SDK1: variants seen among roughly 807,000 people sequenced by gnomAD.
SDK1 encodes the protein sidekick cell adhesion molecule 1.
Under a neutral mutation model 245.5 loss-of-function variants are expected in SDK1, and 157 were observed. The ratio of observed to expected loss-of-function variants is 0.64; its 90% CI spans 0.56 to 0.73. The LOEUF is 0.73. Among genes scored for constraint, SDK1 ranks in the 30% least tolerant of loss-of-function variants. SDK1 has a pLI of 0.00. For missense variants in SDK1, 3,583 were observed against 3,002.3 expected (o/e 1.19, Z -4.52); for synonymous variants, 1,647 against 1,278.5 (o/e 1.29, Z -6.15).
At chr7:3,435,321 CTTTTTTTTTT>C (rs71029672) in intron 1 of SDK1, among the ~76,000 whole-genome samples, 930 of 56,942 alleles carry the variant, frequency 0.016, 9 homozygotes, top group Non-Finnish European at 0.02. Flanking sequence ...AGGGGACTGC[CTTTTTTTTTT>C]TTTTTTTTTT....
At chr7:4,106,159 G>C (rs1042740968) in intron 22 of SDK1, among the ~76,000 whole-genome samples, 4 of 152,146 alleles carry the variant, frequency 2.6e-5, no homozygotes, top group Non-Finnish European at 5.9e-5. Flanking sequence ...CCAGACACTC[G>C]CTGCTCAGAA....
chr7:4,151,091 C>T (rs543810637), intron 30 of SDK1, among the ~76,000 whole-genome samples: 9 of 152,340 alleles, frequency 5.9e-5, no homozygotes, highest in Non-Finnish European at 8.8e-5. Context: ...TGCCACCCCA[C>T]ACAGTGTCCC....
chr7:3,343,293 A>G (rs1000390538), intron 1 of SDK1, among the ~76,000 whole-genome samples: 5 of 152,214 alleles, frequency 3.3e-5, no homozygotes, highest in East Asian at 1.9e-4. Context: ...TGAACGCATT[A>G]TTGAACCACA....
chr7:3,657,524 G>A (rs1361752829), intron 4 of SDK1, among the ~76,000 whole-genome samples: 2 of 152,126 alleles, frequency 1.3e-5, no homozygotes, highest in Non-Finnish European at 2.9e-5. Flanking sequence ...GCAGGAAGAG[G>A]GACTGTGAGA....
intron 1 of SDK1, among the ~76,000 whole-genome samples, chr7:3,616,916 A>G (rs1190441084): frequency 1.3e-5 from 2 of 152,212 alleles, no homozygotes; most frequent in African/African-American, 4.8e-5. Flanking sequence ...TGACTTCTTG[A>G]AAAGAAATTT....
rs901187215 is a variant in SDK1 at position 3,518,485 on chromosome 7, C to T, written c.299-100595C>T. 6.8e-5 allele frequency among the ~76,000 whole-genome samples: 9 copies of T among 131,862 alleles called. No homozygotes were observed. The East Asian group carries it at 1.9e-3, about 27-fold the overall frequency. 86.5% of individuals were successfully genotyped at this position (131,862 alleles called of 152,430 possible). On this transcript the variant is annotated intron_variant, in intron 1 of 44. Coordinates refer to ENST00000404826, the MANE Select transcript of SDK1 (RefSeq NM_152744.4). The stretch of plus-strand genomic sequence containing the variant: ...TGTACTAGGAACTTAAACATCTGAA[C>T]AGAAAAAAAAAAGAAAGATTAAAAA...
intron 32 of SDK1, among the ~76,000 whole-genome samples, chr7:4,167,125 G>C (rs1781545846): frequency 1.3e-5 from 2 of 152,214 alleles, no homozygotes; most frequent in Non-Finnish European, 2.9e-5. Flanking sequence ...CTCTTTTGCT[G>C]TGGCACGCCT....
chr7:3,699,094 T>C (rs1272887829), intron 4 of SDK1, among the ~76,000 whole-genome samples: 2 of 152,162 alleles, frequency 1.3e-5, no homozygotes, highest in Non-Finnish European at 2.9e-5. Flanking sequence ...CTGGCAGAAA[T>C]GAAGGGCGGC....
At chr7:3,795,071 T>C (rs752420716) in intron 4 of SDK1, among the ~76,000 whole-genome samples, 1 of 152,208 alleles carries the variant, frequency 6.6e-6, no homozygotes, top group African/African-American at 2.4e-5. Flanking sequence ...GGCATCGTTC[T>C]TCCTGTTCTC....
chr7:3,493,863 C>T, intron 1 of SDK1, among the ~76,000 whole-genome samples: 1 of 152,186 alleles, frequency 6.6e-6, no homozygotes, highest in East Asian at 1.9e-4. Flanking sequence ...ACCAAAGTTC[C>T]ACTACAAATC....
chr7:4,191,960 C>A (rs1783233466), intron 35 of SDK1, among the ~76,000 whole-genome samples: 1 of 152,186 alleles, frequency 6.6e-6, no homozygotes, highest in African/African-American at 2.4e-5. Context: ...GTTTCCGACC[C>A]CACCCCCAGG....
chr7:3,836,532 C>G (rs974221606), intron 5 of SDK1, among the ~76,000 whole-genome samples: 5 of 152,100 alleles, frequency 3.3e-5, no homozygotes, highest in Admixed American at 3.3e-4. Context: ...TTGGTGGAAA[C>G]AAAAGACAAA....
At chr7:4,011,984 G>A (rs535513846) in intron 15 of SDK1, 111 bp from the exon 16 acceptor site, 23 of 1,001,094 alleles carry the variant, frequency 2.3e-5, no homozygotes, top group East Asian at 8.8e-5. Flanking sequence ...CCTGAAACCC[G>A]ATTTTTGTGA....
chr7:3,374,303 T>C (rs146274442), intron 1 of SDK1, among the ~76,000 whole-genome samples: 1 of 152,306 alleles, frequency 6.6e-6, no homozygotes, highest in African/African-American at 2.4e-5. Flanking sequence ...TCTGGAAGAC[T>C]TGTGACTTCT....
chr7:3,704,615 A>C (rs1784833945), intron 4 of SDK1, among the ~76,000 whole-genome samples: 1 of 152,094 alleles, frequency 6.6e-6, no homozygotes, highest in Admixed American at 6.6e-5. Flanking sequence ...TAGTTTGCAA[A>C]TACTTTCCCC....
intron 5 of SDK1, among the ~76,000 whole-genome samples, chr7:3,852,280 C>T (rs768548882): frequency 5.3e-5 from 8 of 151,506 alleles, no homozygotes; most frequent in Admixed American, 4.6e-4. Context: ...ACTGGCCAGC[C>T]GAGAGCGACG....
intron 4 of SDK1, among the ~76,000 whole-genome samples, chr7:3,742,380 C>A (rs2115053875): frequency 6.6e-6 from 1 of 152,244 alleles, no homozygotes; most frequent in Non-Finnish European, 1.5e-5. Flanking sequence ...GAACGTGTTC[C>A]TCCCAGCTCT....
chr7:4,095,280 G>C (rs62438171), intron 22 of SDK1, among the ~76,000 whole-genome samples: 741 of 53,356 alleles, frequency 0.014, 22 homozygotes, highest in Middle Eastern at 0.027. Context: ...CATATCTGAG[G>C]TCTTCCTCAG....
intron 4 of SDK1, among the ~76,000 whole-genome samples, chr7:3,644,797 A>ACAC (rs747220621): frequency 7.6e-6 from 1 of 131,560 alleles, no homozygotes; most frequent in African/African-American, 2.6e-5. Flanking sequence ...AAAAAACAAA[A>ACAC]AACAACAACA....
Sources: allele counts gnomAD v4.1 joint callset (sites outside exome capture counted in the v4.1 genomes callset), GRCh38; gene constraint gnomAD v4.1.1; transcripts MANE v1.5; gene names NCBI Gene and HGNC (gene_info 2026-07-23, HGNC 2026-07-21).